BACE2: variants seen among roughly 807,000 people sequenced by gnomAD.
BACE2 encodes beta-secretase 2, also known as 56 kDa aspartic-like protease.
In BACE2, 17 loss-of-function variants were observed where a neutral mutation model predicts 46.2. The observed-to-expected ratio is 0.37, with a 90% confidence interval of 0.25 to 0.55. The LOEUF is 0.55. BACE2 is among the 20% of genes least tolerant of loss of function. The pLI is 0.82. For missense variants in BACE2, 595 were observed against 698.1 expected, an observed-to-expected ratio of 0.85 and a Z score of 1.66; for synonymous variants, 277 against 295.9, an observed-to-expected ratio of 0.94 and a Z score of 0.66.
intron 8 of BACE2, among the ~76,000 whole-genome samples, chr21:41,259,767 A>G (rs1987883327): frequency 6.6e-6 from 1 of 151,744 alleles, no homozygotes; most frequent in Non-Finnish European, 1.5e-5. Context: ...CCCAAATGTC[A>G]CAACTCTCTA....
intron 1 of BACE2, among the ~76,000 whole-genome samples, chr21:41,201,992 G>A (rs535642696): frequency 3.8e-4 from 58 of 152,256 alleles, no homozygotes; most frequent in Admixed American, 2.5e-3. Flanking sequence ...GAGCATACTG[G>A]GATGCTAAAA....
intron 6 of BACE2, among the ~76,000 whole-genome samples, chr21:41,248,492 C>T (rs1228794416): frequency 6.6e-6 from 1 of 152,186 alleles, no homozygotes; most frequent in Non-Finnish European, 1.5e-5. Context: ...ACCTGGCCAC[C>T]GAAACTCTTC....
At chr21:41,258,731 G>A (rs1275401032) in intron 8 of BACE2, among the ~76,000 whole-genome samples, 2 of 152,192 alleles carry the variant, frequency 1.3e-5, no homozygotes, top group South Asian at 4.1e-4. Context: ...CCAACCCAGT[G>A]TATGTATATG....
chr21:41,245,723 T>G (rs964274183), intron 5 of BACE2, among the ~76,000 whole-genome samples: 11 of 152,332 alleles, frequency 7.2e-5, no homozygotes, highest in South Asian at 6.2e-4. Context: ...ATTTGCTAAT[T>G]TGGGCCGTGT....
chr21:41,194,102 C>T (rs1012019218), intron 1 of BACE2, among the ~76,000 whole-genome samples: 2 of 152,180 alleles, frequency 1.3e-5, no homozygotes, highest in South Asian at 4.1e-4. Context: ...CCATGATTCT[C>T]TGTTTTTATA....
intron 3 of BACE2, among the ~76,000 whole-genome samples, chr21:41,240,820 C>G (rs1306324230): frequency 1.3e-5 from 2 of 152,194 alleles, no homozygotes; most frequent in Non-Finnish European, 2.9e-5. Context: ...TGGACTACAC[C>G]AATGGGAAGA....
intron 1 of BACE2, among the ~76,000 whole-genome samples, chr21:41,198,900 C>G (rs1985842636): frequency 6.8e-6 from 1 of 147,976 alleles, no homozygotes; most frequent in South Asian, 2.1e-4. Context: ...ACTTTAAGTT[C>G]TAGGGTACAT....
intron 3 of BACE2, 104 bp downstream of exon 3, chr21:41,237,833 A>C (rs1987170541): frequency 1.1e-6 from 1 of 871,148 alleles, no homozygotes; most frequent in South Asian, 1.6e-5. Flanking sequence ...TCTTGGAGAC[A>C]GTGAGAACCA....
intron 1 of BACE2, chr21:41,178,356 AT>A (rs1984938265): frequency 1.3e-5 from 2 of 152,342 alleles, no homozygotes; most frequent in Admixed American, 1.3e-4. Context: ...AGAGTTAAAA[AT>A]CACTTATAAC....
rs376129453 is a variant in BACE2, at chr21:41,226,376, G to A, written c.401+22G>A. 1.9e-6 allele frequency: 3 copies of A among 1,601,620 alleles called. No individual in the cohort carries two copies. The African/African-American group carries it at 4.0e-5, about 22-fold the overall frequency. ...AGAGGTAAGCGCTGGCCCCTTGGCT[G>A]GTGTGCTGGGCCGGGGCACTGCATG... On this transcript the variant is annotated intron_variant, in intron 2 of 8. Coordinates refer to ENST00000330333, the MANE Select transcript of BACE2 (RefSeq NM_012105.5).
At chr21:41,178,996 T>C in intron 1 of BACE2, 1 of 877,494 alleles carries the variant, frequency 1.1e-6, no homozygotes, top group Non-Finnish European at 1.5e-6. Context: ...TGAGATTGGC[T>C]TGAGGAGGAC....
At position 41,254,303 on chromosome 21, in the gene BACE2, C is replaced by T. The variant is rs149471782; in HGVS notation, c.1135-2855C>T. On this transcript the variant is annotated intron_variant, in intron 7 of 8. Transcript: ENST00000330333. ...CAGCTTCTACTTTATCCCTACTTGA[C>T]CTGCTCTTCAGTGTGGTCACATGGC... Among the ~76,000 whole-genome samples the T allele has an allele frequency of 7.2e-5, 11 of 152,282 alleles. No individual in the cohort carries two copies. In the East Asian group the frequency reaches 1.9e-3, roughly 27 times the overall value.
intron 1 of BACE2, among the ~76,000 whole-genome samples, chr21:41,200,309 G>A (rs552879780): frequency 1.4e-4 from 21 of 152,060 alleles, no homozygotes; most frequent in African/African-American, 4.1e-4. Flanking sequence ...ATGAAATTTC[G>A]TTTAGTTTAT....
rs1360923590 is a variant in BACE2, at chr21:41,223,470, C to T, written c.313-2796C>T. 4.7e-4 allele frequency among the ~76,000 whole-genome samples: 71 copies of T among 152,172 alleles called. 1 individual carries two copies. The highest frequency in any genetic ancestry group is 4.6e-3 in the Admixed American group (71 of 15,278). ...GAGACTCCAGGTGGAGCCGTCCTTT[C>T]CTCTTCCAGCCCCTGGCCATGGTTG... On this transcript the variant is annotated intron_variant, in intron 1 of 8. Coordinates refer to ENST00000330333, the MANE Select transcript of BACE2 (RefSeq NM_012105.5).
intron 1 of BACE2, chr21:41,179,930 G>T: frequency 5.5e-6 from 2 of 365,860 alleles, no homozygotes; most frequent in South Asian, 4.4e-5. Flanking sequence ...GCCCGGGAGG[G>T]TTCTTAGCTT....
chr21:41,228,952 C>T (rs183848983), intron 2 of BACE2, among the ~76,000 whole-genome samples: 2 of 152,288 alleles, frequency 1.3e-5, no homozygotes, highest in East Asian at 3.9e-4. Context: ...ATTCTGTGCT[C>T]ATATGATCCA....
chr21:41,229,426 C>T (rs1986912183), intron 2 of BACE2, among the ~76,000 whole-genome samples: 1 of 152,178 alleles, frequency 6.6e-6, no homozygotes, highest in African/African-American at 2.4e-5. Flanking sequence ...TTAAAGGGAA[C>T]CATGCAAGTC....
chr21:41,242,255 C>T (rs555799283), intron 4 of BACE2, among the ~76,000 whole-genome samples: 2 of 146,304 alleles, frequency 1.4e-5, no homozygotes, highest in East Asian at 4.0e-4. Context: ...CGGTGGGGGG[C>T]GTGGTGAGTG....
intron 1 of BACE2, chr21:41,179,674 G>C: frequency 7.5e-7 from 1 of 1,335,262 alleles, no homozygotes; most frequent in Non-Finnish European, 1.0e-6. Flanking sequence ...TAGAACAAAG[G>C]CCTTACAAAG....
Sources: gnomAD v4.1 joint callset for allele counts (sites outside exome capture counted in the v4.1 genomes callset) on GRCh38, gnomAD v4.1.1 for gene constraint, MANE v1.5 for transcripts, NCBI Gene and HGNC (gene_info 2026-07-23, HGNC 2026-07-21) for gene names.